The following DLGAP2 variants were observed in gnomAD, a reference collection of about 807,000 sequenced individuals.
DLGAP2 encodes the protein DLG associated protein 2, also known as disks large-associated protein 2.
In DLGAP2, 26 loss-of-function variants were observed where a neutral mutation model predicts 100.3. That is an observed-to-expected ratio of 0.26 (90% CI 0.19 to 0.36). DLGAP2 has a LOEUF of 0.36. Among genes scored for constraint, DLGAP2 ranks in the 10% least tolerant of loss-of-function variants. DLGAP2 has a pLI of 1.00. For missense variants in DLGAP2, 1,858 were observed against 1,453.2 expected (o/e 1.28, Z -4.53); for synonymous variants, 886 against 630.1 (o/e 1.41, Z -6.08).
chr8:833,523 G>A (rs1443079913), intron 1 of DLGAP2, among the ~76,000 whole-genome samples: 1 of 152,164 alleles, frequency 6.6e-6, no homozygotes, highest in Non-Finnish European at 1.5e-5. Flanking sequence ...TGGGGTGGGG[G>A]TGTCTCTGAT....
At chr8:985,776 C>G (rs1201575088) in intron 2 of DLGAP2, among the ~76,000 whole-genome samples, 2 of 152,028 alleles carry the variant, frequency 1.3e-5, no homozygotes, top group Non-Finnish European at 1.5e-5. Context: ...CCTTTTGATC[C>G]CAGTGTTTCC....
At chr8:1,614,686 G>C (rs959451804) in intron 6 of DLGAP2, among the ~76,000 whole-genome samples, 10 of 152,234 alleles carry the variant, frequency 6.6e-5, no homozygotes, top group African/African-American at 1.7e-4. Context: ...CTGATATGCA[G>C]GTTGGCCAAG....
chr8:814,425 C>T (rs1161119937), intron 1 of DLGAP2, among the ~76,000 whole-genome samples: 4 of 152,084 alleles, frequency 2.6e-5, no homozygotes, highest in Non-Finnish European at 4.4e-5. Context: ...TTCATGTGCC[C>T]ATTAGGAAAC....
At chr8:1,477,090 G>A (rs1798956063) in intron 3 of DLGAP2, among the ~76,000 whole-genome samples, 1 of 152,222 alleles carries the variant, frequency 6.6e-6, no homozygotes, top group Non-Finnish European at 1.5e-5. Context: ...CGTCACTGCC[G>A]CAGGCACTGC....
At chr8:1,690,940 A>ACAT (rs1799244244) in intron 12 of DLGAP2, among the ~76,000 whole-genome samples, 1 of 152,098 alleles carries the variant, frequency 6.6e-6, no homozygotes, top group Admixed American at 6.5e-5. Flanking sequence ...GAGGGAAGCC[A>ACAT]CATCTTCCTA....
chr8:1,645,785 G>C (rs1798026290), intron 8 of DLGAP2, among the ~76,000 whole-genome samples: 1 of 152,008 alleles, frequency 6.6e-6, no homozygotes, highest in African/African-American at 2.4e-5. Flanking sequence ...GGATATTTTT[G>C]GACTTAAACA....
intron 2 of DLGAP2, among the ~76,000 whole-genome samples, chr8:1,257,226 C>G (rs1238287038): frequency 6.6e-6 from 1 of 152,150 alleles, no homozygotes; most frequent in Non-Finnish European, 1.5e-5. Context: ...AGAGCCCGAC[C>G]TGCCACACAC....
At chr8:1,565,220 T>C (rs924895875) in intron 5 of DLGAP2, among the ~76,000 whole-genome samples, 2 of 152,236 alleles carry the variant, frequency 1.3e-5, no homozygotes, top group African/African-American at 4.8e-5. Flanking sequence ...AGAACTTGGC[T>C]TCTAGATTTA....
In DLGAP2 at chr8:960,713, G is replaced by C. The variant is rs545403987; in HGVS notation, c.73+52747G>C. 1.9e-3 allele frequency among the ~76,000 whole-genome samples: 282 copies of C among 152,230 alleles called. 1 individual carries two copies. Among genetic ancestry groups the C allele is most frequent in the Admixed American group, 3.3e-3 (50 of 15,296 alleles). On this transcript the variant is annotated intron_variant, in intron 2 of 14. Coordinates refer to ENST00000637795, the MANE Select transcript of DLGAP2 (RefSeq NM_001346810.2). ...TACATTTAATTTACAGATGCTCCTC[G>C]ACTTATGATGGAGTTATAGCCCGAT...
rs1171271402 is a variant in DLGAP2, at chr8:1,683,952, G to GTATATATATA, written c.2704+5324_2704+5325insATATATATAT. On this transcript the variant is annotated intron_variant, in intron 12 of 14. Coordinates refer to ENST00000637795, the MANE Select transcript of DLGAP2 (RefSeq NM_001346810.2). Reference sequence around the variant, plus strand: ...TGTATATATGTGTATATATATATGTGTGTATATATATATATATATATATAT... The same window carrying GTATATATATA: ...TGTATATATGTGTATATATATATGTGTATATATATATGTATATATATATATATATATATAT... 5.6e-3 allele frequency among the ~76,000 whole-genome samples: 113 copies of GTATATATATA among 20,286 alleles called. 2 individuals are homozygous for GTATATATATA. Among genetic ancestry groups the GTATATATATA allele is most frequent in the African/African-American group, 0.021 (103 of 4,792 alleles). The allele number at this position is 20,286 out of a possible 152,430, so 13.3% of individuals were successfully genotyped here. A position where few individuals can be genotyped will look rare whatever the true frequency, so the allele number is the denominator to read the frequency against.
chr8:1,670,410 C>T (rs763854703), intron 10 of DLGAP2, among the ~76,000 whole-genome samples: 1 of 152,220 alleles, frequency 6.6e-6, no homozygotes, highest in Non-Finnish European at 1.5e-5. Context: ...CAGGCTTCTC[C>T]TCATCCCCCC....
chr8:1,549,615 C>T lies in DLGAP2; in HGVS notation c.1162C>T (p.Leu388=), dbSNP rs778714284. 1.9e-6 allele frequency: 3 copies of T among 1,586,216 alleles called. No individual in the cohort carries two copies. The highest frequency in any genetic ancestry group is 2.6e-6 in the Non-Finnish European group (3 of 1,169,108). The change falls in exon 5 of 15, where the codon CTG becomes TTG. Residue 388 remains leucine (L), a synonymous_variant. Transcript: ENST00000637795. ...QAKEAYRKSS[L]NLDKPLLHQD... ...CAAGGAGGCCTACCGCAAGAGCTCG[C>T]TGAACCTGGACAAGCCGCTGCTGCA...
At chr8:1,451,091 C>T (rs956484596) in intron 3 of DLGAP2, among the ~76,000 whole-genome samples, 1 of 152,064 alleles carries the variant, frequency 6.6e-6, no homozygotes, top group Non-Finnish European at 1.5e-5. Flanking sequence ...TAACACATAT[C>T]CTACTTAGTG....
chr8:988,426 CA>C (rs1238391543), intron 2 of DLGAP2, among the ~76,000 whole-genome samples: 1 of 152,136 alleles, frequency 6.6e-6, no homozygotes, highest in African/African-American at 2.4e-5. Flanking sequence ...ATTACCTGCC[CA>C]AAGTCATTTC....
At chr8:1,107,209 G>T (rs942447567) in intron 2 of DLGAP2, among the ~76,000 whole-genome samples, 2 of 152,218 alleles carry the variant, frequency 1.3e-5, no homozygotes, top group African/African-American at 4.8e-5. Context: ...CTGTGACTTT[G>T]CTCCAAGACT....
chr8:1,408,051 C>G (rs1796622034), intron 3 of DLGAP2, among the ~76,000 whole-genome samples: 1 of 152,230 alleles, frequency 6.6e-6, no homozygotes, highest in Admixed American at 6.5e-5. Context: ...AAAAATGCCT[C>G]CAGATAGTGC....
At chr8:1,408,969 G>A (rs1384870005) in intron 3 of DLGAP2, among the ~76,000 whole-genome samples, 1 of 152,210 alleles carries the variant, frequency 6.6e-6, no homozygotes, top group Non-Finnish European at 1.5e-5. Context: ...TGTCTGTTGG[G>A]GAAGCATCAG....
intron 8 of DLGAP2, among the ~76,000 whole-genome samples, chr8:1,645,844 A>G (rs1444744774): frequency 2.0e-5 from 3 of 152,230 alleles, no homozygotes; most frequent in Non-Finnish European, 4.4e-5. Context: ...TTAACCTTAA[A>G]AAGATCTTTT....
intron 6 of DLGAP2, among the ~76,000 whole-genome samples, chr8:1,607,852 C>T (rs1391710001): frequency 2.0e-5 from 3 of 150,872 alleles, no homozygotes; most frequent in African/African-American, 7.3e-5. Context: ...AACGGCGCAC[C>T]ACGAGACTAT....
Sources: gnomAD v4.1 joint callset for allele counts (sites outside exome capture counted in the v4.1 genomes callset) on GRCh38, gnomAD v4.1.1 for gene constraint, MANE v1.5 for transcripts, NCBI Gene and HGNC (gene_info 2026-07-23, HGNC 2026-07-21) for gene names.